SFTPD: variants seen among roughly 807,000 people sequenced by gnomAD.
SFTPD encodes pulmonary surfactant-associated protein D.
Under a neutral mutation model 34.6 loss-of-function variants are expected in SFTPD, and 18 were observed. The ratio of observed to expected loss-of-function variants is 0.52; its 90% CI spans 0.36 to 0.77. SFTPD has a LOEUF of 0.77. SFTPD is among the 30% of genes least tolerant of loss of function. SFTPD has a pLI of 0.00. For synonymous variants in SFTPD, 155 were observed against 180.9 expected (o/e 0.86, Z 1.15); for missense variants, 433 against 468.9 (o/e 0.92, Z 0.71).
intron 1 of SFTPD, among the ~76,000 whole-genome samples, chr10:79,965,706 A>G (rs1379723791): frequency 1.0e-5 from 1 of 95,762 alleles, no homozygotes; most frequent in African/African-American, 4.8e-5. Context: ...AGCATTAGGT[A>G]TATCTCCCAA....
At chr10:79,949,202 C>CTTTTTTTTTTTTTTTTTTT, upstream of SFTPD, 1 of 152,206 alleles carries the variant, frequency 6.6e-6, no homozygotes, top group Non-Finnish European at 1.5e-5. Context: ...CAATTTTCTT[C>CTTTTTTTTTTTTTTTTTTT]TTTATTGACT....
intron 1 of SFTPD, among the ~76,000 whole-genome samples, chr10:79,977,790 C>CT (rs150071836): frequency 0.064 from 9,728 of 151,588 alleles, 387 homozygotes; most frequent in Middle Eastern, 0.16. Context: ...AGATTTACTT[C>CT]TTTTTTTTCC....
chr10:79,962,451 A>C (rs955085233), intron 1 of SFTPD, among the ~76,000 whole-genome samples: 1 of 152,138 alleles, frequency 6.6e-6, no homozygotes, highest in Admixed American at 6.5e-5. Flanking sequence ...ATATACTTAC[A>C]TACAAAATAT....
At chr10:79,943,843 G>T (rs1455787085) in intron 2 of SFTPD, among the ~76,000 whole-genome samples, 2 of 152,224 alleles carry the variant, frequency 1.3e-5, no homozygotes, top group African/African-American at 2.4e-5. Context: ...TTTTCCTCAA[G>T]GCAGGATGCC....
At chr10:79,942,633 G>T (rs1842625684) in intron 3 of SFTPD, 129 bp from the exon 4 acceptor site, 2 of 917,610 alleles carry the variant, frequency 2.2e-6, no homozygotes, top group Non-Finnish European at 1.8e-6. Flanking sequence ...GGTCCCATCT[G>T]TCCTGAAATG....
chr10:79,959,407 TAAAG>T (rs1469290643), intron 1 of SFTPD, among the ~76,000 whole-genome samples: 1 of 151,608 alleles, frequency 6.6e-6, no homozygotes, highest in African/African-American at 2.4e-5. Context: ...GCAAGACTAA[TAAAG>T]AAGAAAAGGG....
In SFTPD at chr10:79,937,761, T is replaced by G; in HGVS notation, c.*91A>C. The stretch of plus-strand genomic sequence containing the variant: ...GTCCTTCCCGGCACAGATGGTCACC[T>G]TTTTATTAGGATATTGGCAGCATGA... On this transcript the variant is annotated 3_prime_UTR_variant, in exon 8 of 8. Coordinates refer to ENST00000372292, the MANE Select transcript of SFTPD (RefSeq NM_003019.5). The G allele has an allele frequency of 7.3e-7, 1 of 1,378,160 alleles. No homozygotes were observed. Among genetic ancestry groups the G allele is most frequent in the Non-Finnish European group, 9.8e-7 (1 of 1,024,708 alleles). 85.4% of individuals were successfully genotyped at this position (1,378,160 alleles called of 1,614,324 possible). A position where few individuals can be genotyped will look rare whatever the true frequency, so the allele number is the denominator to read the frequency against.
intron 1 of SFTPD, chr10:79,970,117 A>G (rs1206778843): frequency 2.6e-5 from 4 of 152,150 alleles, no homozygotes; most frequent in African/African-American, 4.8e-5. Context: ...TCCCAACATC[A>G]TTTGTTGAAG....
rs1040708189 is a variant in SFTPD at position 79,967,953 on chromosome 10, T to C, written c.36+14622A>G. 2.4e-4 allele frequency among the ~76,000 whole-genome samples: 35 copies of C among 148,802 alleles called. 1 individual carries two copies. Among genetic ancestry groups the C allele is most frequent in the Middle Eastern group, 6.8e-3 (2 of 292 alleles). Reference sequence around the variant, plus strand: ...AAATCCTATAAAACAGCCCCACCCCTATCTCCCTTCACTGACTCTCTTTTC... The same window carrying C: ...AAATCCTATAAAACAGCCCCACCCCCATCTCCCTTCACTGACTCTCTTTTC... On this transcript the variant is annotated intron_variant, in intron 1 of 5. Transcript: ENST00000444384.
intron 1 of SFTPD, among the ~76,000 whole-genome samples, chr10:79,962,199 G>C (rs1243686575): frequency 2.7e-5 from 4 of 149,092 alleles, no homozygotes; most frequent in African/African-American, 5.0e-5. Flanking sequence ...AATGCTAAAT[G>C]ATGAGTTAAT....
chr10:79,975,913 G>C (rs959179896), intron 1 of SFTPD, among the ~76,000 whole-genome samples: 3 of 152,212 alleles, frequency 2.0e-5, no homozygotes, highest in Non-Finnish European at 2.9e-5. Flanking sequence ...GCCTTTAAGC[G>C]GTTTTCCACC....
intron 1 of SFTPD, among the ~76,000 whole-genome samples, chr10:79,966,934 G>A (rs1296995842): frequency 2.0e-5 from 3 of 147,300 alleles, no homozygotes; most frequent in Non-Finnish European, 4.4e-5. Context: ...TCAACATAGT[G>A]TTGGACGTTC....
intron 2 of SFTPD, among the ~76,000 whole-genome samples, chr10:79,943,081 G>T (rs535599572): frequency 6.6e-6 from 1 of 152,214 alleles, no homozygotes; most frequent in Admixed American, 6.5e-5. Flanking sequence ...TCCAGAGTTG[G>T]AGGCGGATTA....
At chr10:79,950,808 G>A (rs930499097), upstream of SFTPD, 3 of 151,928 alleles carry the variant, frequency 2.0e-5, no homozygotes, top group Non-Finnish European at 4.4e-5. Flanking sequence ...TCTCCCTCAG[G>A]AATGTCTATA....
intron 7 of SFTPD, among the ~76,000 whole-genome samples, chr10:79,938,841 C>A (rs1208877359): frequency 6.6e-6 from 1 of 152,160 alleles, no homozygotes; most frequent in African/African-American, 2.4e-5. Context: ...ATGTCGGCCT[C>A]TTAGTATGCA....
At chr10:79,968,331 C>G (rs1336875474) in intron 1 of SFTPD, 1 of 152,136 alleles carries the variant, frequency 6.6e-6, no homozygotes, top group African/African-American at 2.4e-5. Context: ...TCAACACTTT[C>G]CCCCTCCCCA....
chr10:79,975,372 C>T (rs538715741), intron 1 of SFTPD, among the ~76,000 whole-genome samples: 1 of 152,190 alleles, frequency 6.6e-6, no homozygotes, highest in Non-Finnish European at 1.5e-5. Context: ...TCCTCCTCAT[C>T]AGTGTGAAAA....
At chr10:79,968,244 G>A (rs755262583) in intron 1 of SFTPD, 1 of 152,024 alleles carries the variant, frequency 6.6e-6, no homozygotes, top group Non-Finnish European at 1.5e-5. Flanking sequence ...TGTTACATGG[G>A]TATATTGTAT....
rs750127260 is a variant in SFTPD at position 79,937,828 on chromosome 10, A to G, written c.*24T>C. On this transcript the variant is annotated 3_prime_UTR_variant, in exon 8 of 8. Coordinates refer to ENST00000372292, the MANE Select transcript of SFTPD (RefSeq NM_003019.5). ...TTCTGGCCAAACTCCTGGGCCAAGCACTGCCCCACCCACCCCAGTTGGCTC... is the reference window on the plus strand; with the variant it reads ...TTCTGGCCAAACTCCTGGGCCAAGCGCTGCCCCACCCACCCCAGTTGGCTC... 6.6e-7 allele frequency: 1 copy of G among 1,519,762 alleles called. No homozygotes were observed. Among genetic ancestry groups the G allele is most frequent in the Non-Finnish European group, 8.8e-7 (1 of 1,131,462 alleles). 94.1% of individuals were successfully genotyped at this position (1,519,762 alleles called of 1,614,324 possible).
Sources: allele counts gnomAD v4.1 joint callset (sites outside exome capture counted in the v4.1 genomes callset), GRCh38; gene constraint gnomAD v4.1.1; transcripts MANE v1.5; gene names NCBI Gene and HGNC (gene_info 2026-07-23, HGNC 2026-07-21).